LRBA: variants seen among roughly 807,000 people sequenced by gnomAD.
LRBA encodes LPS responsive beige-like anchor protein.
A neutral mutation model predicts 330.0 loss-of-function variants in LRBA; 176 were observed. That is an observed-to-expected ratio of 0.53 (90% CI 0.47 to 0.60). The LOEUF is 0.60. LRBA is among the 20% of genes least tolerant of loss of function. The pLI is 0.00. For missense variants in LRBA, 3,259 were observed against 3,444.8 expected, an observed-to-expected ratio of 0.95 and a Z score of 1.35; for synonymous variants, 1,230 against 1,193.0, an observed-to-expected ratio of 1.03 and a Z score of -0.64.
intron 36 of LRBA, among the ~76,000 whole-genome samples, chr4:150,714,626 T>C (rs545027694): frequency 1.3e-5 from 2 of 152,298 alleles, no homozygotes; most frequent in East Asian, 1.9e-4. Flanking sequence ...TCTTAAAAAT[T>C]GCTGAGAGTA....
In LRBA at chr4:150,308,932, AT is replaced by A. The variant is rs1471860557; in HGVS notation, c.7849+1296del. On this transcript the variant is annotated intron_variant, in intron 52 of 56. Transcript: ENST00000651943. The stretch of plus-strand genomic sequence containing the variant: ...AGTAAAGAAAAAATTTTAAAAACAA[AT>A]TTAGTGTAGTCTAAGTGTACAGAGT... Among the ~76,000 whole-genome samples the A allele has an allele frequency of 1.8e-4, 28 of 152,264 alleles. 2 individuals are homozygous for A. The South Asian group carries it at 5.4e-3, about 29-fold the overall frequency.
intron 17 of LRBA, among the ~76,000 whole-genome samples, chr4:150,877,097 C>CA (rs1372352119): frequency 2.5e-4 from 37 of 148,986 alleles, no homozygotes; most frequent in African/African-American, 4.9e-4. Context: ...ACTAAAAACA[C>CA]ACAAAAAAAA....
intron 2 of LRBA, among the ~76,000 whole-genome samples, chr4:151,003,283 G>A (rs1490302608): frequency 2.0e-5 from 3 of 151,308 alleles, no homozygotes; most frequent in African/African-American, 7.3e-5. Context: ...TGTAATACCA[G>A]CTACTTGGGA....
intron 2 of LRBA, among the ~76,000 whole-genome samples, chr4:150,934,366 C>T (rs967058770): frequency 1.3e-5 from 2 of 152,082 alleles, no homozygotes; most frequent in African/African-American, 4.8e-5. Context: ...TAAAAAATAA[C>T]AGATACAACA....
intron 56 of LRBA, among the ~76,000 whole-genome samples, chr4:150,274,677 A>G (rs1305411797): frequency 2.0e-5 from 3 of 152,358 alleles, no homozygotes; most frequent in East Asian, 3.9e-4. Flanking sequence ...CTCTACGCAA[A>G]TAAACTAGAA....
chr4:150,526,505 G>A (rs764143284), intron 40 of LRBA, among the ~76,000 whole-genome samples: 5 of 152,116 alleles, frequency 3.3e-5, no homozygotes, highest in Non-Finnish European at 7.4e-5. Context: ...ACAAGCATCA[G>A]TTTCTCAATA....
At chr4:150,503,813 G>A (rs1459624673) in intron 40 of LRBA, among the ~76,000 whole-genome samples, 1 of 152,008 alleles carries the variant, frequency 6.6e-6, no homozygotes, top group African/African-American at 2.4e-5. Context: ...GAGGAAATTC[G>A]AACCAATGGC....
At chr4:150,605,840 C>T (rs905902687) in intron 37 of LRBA, among the ~76,000 whole-genome samples, 4 of 152,058 alleles carry the variant, frequency 2.6e-5, no homozygotes, top group African/African-American at 7.2e-5. Context: ...AACTATAAAT[C>T]AAGGGCAGCT....
chr4:150,898,137 T>C (rs1227714600), intron 14 of LRBA, among the ~76,000 whole-genome samples: 2 of 152,044 alleles, frequency 1.3e-5, no homozygotes, highest in Non-Finnish European at 2.9e-5. Context: ...ATATACGTAT[T>C]TTAAGACTCT....
chr4:150,281,659 A>G (rs1403332945), intron 55 of LRBA, among the ~76,000 whole-genome samples: 3 of 152,122 alleles, frequency 2.0e-5, no homozygotes, highest in Admixed American at 2.0e-4. Flanking sequence ...GGGTCCCCTC[A>G]TTGTATACAG....
chr4:150,921,113 C>T, intron 5 of LRBA, 85 bp downstream of exon 5: 2 of 801,424 alleles, frequency 2.5e-6, no homozygotes. Flanking sequence ...AGCACAGAAC[C>T]TGTCAGGGGT....
At chr4:150,930,748 G>T (rs1388406722) in intron 2 of LRBA, among the ~76,000 whole-genome samples, 1 of 152,170 alleles carries the variant, frequency 6.6e-6, no homozygotes, top group Non-Finnish European at 1.5e-5. Context: ...GGCAAGCACA[G>T]TGATAAAGAC....
chr4:150,364,826 A>G (rs1739214153), intron 47 of LRBA, among the ~76,000 whole-genome samples: 1 of 152,152 alleles, frequency 6.6e-6, no homozygotes, highest in Non-Finnish European at 1.5e-5. Context: ...CTGAGCATAT[A>G]GTAGATGCCC....
chr4:150,277,702 A>T, intron 56 of LRBA, 151 bp downstream of exon 56: 1 of 776,556 alleles, frequency 1.3e-6, no homozygotes, highest in Admixed American at 2.4e-5. Context: ...GGGTCTTGCA[A>T]TGTTGCCCAG....
intron 46 of LRBA, among the ~76,000 whole-genome samples, chr4:150,424,701 T>C (rs944129636): frequency 6.6e-6 from 1 of 152,142 alleles, no homozygotes; most frequent in Non-Finnish European, 1.5e-5. Flanking sequence ...GTGCACATCT[T>C]TGGGATGTGG....
At chr4:150,398,750 C>T (rs1745080646) in intron 47 of LRBA, among the ~76,000 whole-genome samples, 1 of 152,066 alleles carries the variant, frequency 6.6e-6, no homozygotes, top group African/African-American at 2.4e-5. Flanking sequence ...CATCAGCCTC[C>T]CATGTAGATG....
At chr4:150,332,909 T>C (rs1424437962) in intron 48 of LRBA, among the ~76,000 whole-genome samples, 2 of 152,154 alleles carry the variant, frequency 1.3e-5, no homozygotes, top group Non-Finnish European at 2.9e-5. Context: ...CAAATGGAAA[T>C]ATTATGAAGA....
chr4:150,726,581 T>G (rs1729705723), intron 36 of LRBA, among the ~76,000 whole-genome samples: 1 of 152,136 alleles, frequency 6.6e-6, no homozygotes, highest in Admixed American at 6.5e-5. Context: ...CTCAGGAAAC[T>G]TACAATCATG....
At chr4:150,661,650 G>A (rs1376052020) in intron 37 of LRBA, among the ~76,000 whole-genome samples, 24 of 151,512 alleles carry the variant, frequency 1.6e-4, no homozygotes, top group Non-Finnish European at 2.5e-4. Context: ...TCACTCTATC[G>A]CCCAGGCTGG....
Sources: gnomAD v4.1 joint callset for allele counts (sites outside exome capture counted in the v4.1 genomes callset) on GRCh38, gnomAD v4.1.1 for gene constraint, MANE v1.5 for transcripts, NCBI Gene and HGNC (gene_info 2026-07-23, HGNC 2026-07-21) for gene names.